The following IL18R1 variants were observed in gnomAD, a reference collection of about 807,000 sequenced individuals.
IL18R1 encodes the protein interleukin 18 receptor 1.
A neutral mutation model predicts 48.5 loss-of-function variants in IL18R1; 40 were observed. The ratio of observed to expected loss-of-function variants is 0.82; its 90% CI spans 0.64 to 1.07. IL18R1 has a LOEUF of 1.07. IL18R1 is among the 50% of genes least tolerant of loss of function. IL18R1 has a pLI of 0.00. For missense variants in IL18R1, 596 were observed against 633.7 expected, an observed-to-expected ratio of 0.94 and a Z score of 0.64; for synonymous variants, 232 against 225.9, an observed-to-expected ratio of 1.03 and a Z score of -0.24.
intron 9 of IL18R1, among the ~76,000 whole-genome samples, chr2:102,393,003 A>T (rs1020691120): frequency 6.6e-6 from 1 of 152,230 alleles, no homozygotes; most frequent in Non-Finnish European, 1.5e-5. Flanking sequence ...AGCAATTAAT[A>T]GTTGAAAAGC....
At chr2:102,392,864 C>T (rs1343192023) in intron 9 of IL18R1, among the ~76,000 whole-genome samples, 1 of 152,010 alleles carries the variant, frequency 6.6e-6, no homozygotes, top group Non-Finnish European at 1.5e-5. Context: ...TTTTCAAATT[C>T]CTTTTTTTGA....
chr2:102,392,232 T>G (rs1390384282), intron 9 of IL18R1, among the ~76,000 whole-genome samples: 2 of 152,212 alleles, frequency 1.3e-5, no homozygotes, highest in African/African-American at 2.4e-5. Flanking sequence ...TGAATTTAGC[T>G]TTGAGCCTGC....
At chr2:102,371,590 C>T (rs1182210548) in intron 3 of IL18R1, among the ~76,000 whole-genome samples, 1 of 152,172 alleles carries the variant, frequency 6.6e-6, no homozygotes, top group African/African-American at 2.4e-5. Flanking sequence ...ACCCTCCCAT[C>T]CTGGGCCAAG....
intron 4 of IL18R1, among the ~76,000 whole-genome samples, chr2:102,375,575 CT>C (rs1207582687): frequency 1.3e-5 from 2 of 152,180 alleles, no homozygotes; most frequent in African/African-American, 4.8e-5. Flanking sequence ...AGTGTTCTCT[CT>C]CTCTCTCTGT....
At chr2:102,362,579 A>C (rs1678640266) in intron 1 of IL18R1, 54 bp from the exon 2 acceptor site, 2 of 1,192,842 alleles carry the variant, frequency 1.7e-6, no homozygotes, top group Non-Finnish European at 1.2e-6. Flanking sequence ...TTCATAAGAT[A>C]GGCACACTTT....
intron 9 of IL18R1, among the ~76,000 whole-genome samples, chr2:102,392,952 A>G (rs11679146): frequency 0.1 from 15,379 of 152,212 alleles, 1,050 homozygotes; most frequent in Non-Finnish European, 0.14. Context: ...TAAAATTAGC[A>G]TATTTATATT....
At chr2:102,364,278 C>T (rs558284910) in intron 2 of IL18R1, among the ~76,000 whole-genome samples, 1 of 152,316 alleles carries the variant, frequency 6.6e-6, no homozygotes, top group African/African-American at 2.4e-5. Flanking sequence ...TAAACCAAAT[C>T]CCCAACATGC....
Position 102,382,571 on chromosome 2 carries a change from T to G in IL18R1, c.688+889T>G, listed in dbSNP as rs577367903. On this transcript the variant is annotated intron_variant, in intron 6 of 10. Transcript: ENST00000233957. The stretch of plus-strand genomic sequence containing the variant: ...TGAAATATATTGTTGAATTAAATCC[T>G]CCAAGCAACACTGAGGCATGTATTC... Among the ~76,000 whole-genome samples the G allele has an allele frequency of 7.2e-5, 11 of 152,344 alleles. 1 individual carries two copies. In the South Asian group the frequency reaches 2.3e-3, roughly 32 times the overall value.
chr2:102,372,646 AT>A (rs1312099990), intron 4 of IL18R1, among the ~76,000 whole-genome samples: 2 of 151,608 alleles, frequency 1.3e-5, no homozygotes, highest in Non-Finnish European at 2.9e-5. Flanking sequence ...GGTATATTTT[AT>A]TTTTTTATGT....
chr2:102,378,608 G>C (rs1042685674), intron 5 of IL18R1, among the ~76,000 whole-genome samples: 1 of 152,154 alleles, frequency 6.6e-6, no homozygotes, highest in Non-Finnish European at 1.5e-5. Flanking sequence ...TCTGATTGCT[G>C]TCAGAATTGC....
intron 3 of IL18R1, among the ~76,000 whole-genome samples, chr2:102,370,680 C>T (rs1030924630): frequency 6.6e-6 from 1 of 152,220 alleles, no homozygotes; most frequent in Non-Finnish European, 1.5e-5. Context: ...TATCCTGGCC[C>T]CATCTTGTAG....
At chr2:102,369,305 TC>T (rs1679105876) in intron 3 of IL18R1, among the ~76,000 whole-genome samples, 1 of 152,204 alleles carries the variant, frequency 6.6e-6, no homozygotes. Context: ...TCTATGATCA[TC>T]ACTTGGAGAT....
chr2:102,374,574 C>T (rs963261089), intron 4 of IL18R1, among the ~76,000 whole-genome samples: 19 of 151,980 alleles, frequency 1.3e-4, no homozygotes, highest in African/African-American at 3.6e-4. Flanking sequence ...GTCAGGTGAT[C>T]GAGACCATGC....
chr2:102,365,065 C>A (rs756625315), intron 2 of IL18R1, among the ~76,000 whole-genome samples: 6 of 152,080 alleles, frequency 3.9e-5, no homozygotes, highest in Non-Finnish European at 8.8e-5. Context: ...TGGCCTCTCC[C>A]AAATCTCATG....
intron 9 of IL18R1, among the ~76,000 whole-genome samples, chr2:102,392,330 T>G (rs1680600448): frequency 6.6e-6 from 1 of 152,234 alleles, no homozygotes; most frequent in Non-Finnish European, 1.5e-5. Context: ...TGGTCTCTGT[T>G]TGCATAGGCC....
chr2:102,375,943 C>G lies in IL18R1; in HGVS notation c.505C>G (p.Pro169Ala). 2 of 1,599,650 alleles carry G rather than the reference C, an allele frequency of 1.3e-6. No individual in the cohort carries two copies. The highest frequency in any genetic ancestry group is 1.7e-6 in the Non-Finnish European group (2 of 1,175,142). ...GCTACTACTGGAGAACAATAAAAAC[C>G]CAACGATAAAGAAGAACGCCGAGTT... ...KKLLLENNKN[P>A]TIKKNAEFED... The change falls in exon 5 of 11, where the codon CCA becomes GCA. Residue 169 changes from proline (P) to alanine (A), a missense_variant. Coordinates refer to ENST00000233957, the MANE Select transcript of IL18R1 (RefSeq NM_003855.5).
intron 9 of IL18R1, among the ~76,000 whole-genome samples, chr2:102,391,703 A>AT (rs1000117409): frequency 4.6e-5 from 7 of 152,116 alleles, no homozygotes; most frequent in African/African-American, 1.4e-4. Context: ...ATGACAGCAA[A>AT]TTTTTTCCCA....
At chr2:102,368,734 C>T (rs769019511) in intron 3 of IL18R1, among the ~76,000 whole-genome samples, 9 of 152,136 alleles carry the variant, frequency 5.9e-5, no homozygotes, top group African/African-American at 1.2e-4. Flanking sequence ...CCCACACTTA[C>T]CGAACATGTT....
At chr2:102,361,733 C>A (rs1678586329) in intron 1 of IL18R1, among the ~76,000 whole-genome samples, 2 of 152,190 alleles carry the variant, frequency 1.3e-5, no homozygotes, top group South Asian at 4.2e-4. Context: ...GTGCTCCCTG[C>A]ACTCAGGATG....
Sources: gnomAD v4.1 joint callset for allele counts (sites outside exome capture counted in the v4.1 genomes callset) on GRCh38, gnomAD v4.1.1 for gene constraint, MANE v1.5 for transcripts, NCBI Gene and HGNC (gene_info 2026-07-23, HGNC 2026-07-21) for gene names.